SAP30L: variants seen among roughly 807,000 people sequenced by gnomAD.
SAP30L encodes the protein histone deacetylase complex subunit SAP30L.
In SAP30L, 10 loss-of-function variants were observed where a neutral mutation model predicts 22.3. The observed-to-expected ratio is 0.45, with a 90% CI of 0.28 to 0.76. The LOEUF is 0.76. SAP30L is among the 30% of genes least tolerant of loss of function. The pLI is 0.14. For synonymous variants in SAP30L, 91 were observed against 94.1 expected (o/e 0.97, Z 0.19); for missense variants, 206 against 237.9 (o/e 0.87, Z 0.88).
intron 2 of SAP30L, chr5:154,453,123 C>T (rs1001166252): frequency 3.5e-5 from 11 of 313,058 alleles, no homozygotes; most frequent in Non-Finnish European, 4.7e-5. Context: ...TATTCCCTAC[C>T]GTTTCTCAGT....
intron 1 of SAP30L, among the ~76,000 whole-genome samples, chr5:154,449,240 A>C (rs753542697): frequency 6.6e-6 from 1 of 152,182 alleles, no homozygotes; most frequent in Non-Finnish European, 1.5e-5. Flanking sequence ...TCCAGTTGAC[A>C]TATTTCTGCT....
chr5:154,448,192 T>G (rs373988284), intron 1 of SAP30L, among the ~76,000 whole-genome samples: 1 of 152,124 alleles, frequency 6.6e-6, no homozygotes, highest in Non-Finnish European at 1.5e-5. Flanking sequence ...GACAGGCTGG[T>G]CTTGAACTCC....
intron 3 of SAP30L, among the ~76,000 whole-genome samples, chr5:154,453,808 G>A (rs185099490): frequency 1.2e-3 from 176 of 152,268 alleles, no homozygotes; most frequent in African/African-American, 4.0e-3. Flanking sequence ...TCATTTGTTT[G>A]AATCTTTTTT....
At position 154,456,107 on chromosome 5, in the gene SAP30L, C is replaced by T. The variant is rs1433565651; in HGVS notation, c.*79C>T. On this transcript the variant is annotated 3_prime_UTR_variant, in exon 4 of 4. Transcript: ENST00000297109. ...TCTACTACATTTAAGCCCATAAAGA[C>T]TGTTAAATATTATTGTAAATAAAAA... 2 of 1,426,134 alleles carry T rather than the reference C, an allele frequency of 1.4e-6. No homozygotes were observed. Among genetic ancestry groups the T allele is most frequent in the African/African-American group, 2.9e-5 (2 of 69,680 alleles). The allele number at this position is 1,426,134 out of a possible 1,614,324, so 88.3% of individuals were successfully genotyped here.
At position 154,456,611 on chromosome 5, in the gene SAP30L, T is replaced by C. The variant is rs1275601996; in HGVS notation, c.*583T>C. ...GAGCTGTCACTAATAGTGCCAGCCT[T>C]GTAACATCCGCTTCACACCTCTCAT... On this transcript the variant is annotated 3_prime_UTR_variant, in exon 4 of 4. Coordinates refer to ENST00000297109, the MANE Select transcript of SAP30L (RefSeq NM_024632.6). The C allele has an allele frequency of 6.6e-6, 1 of 152,400 alleles. No homozygotes were observed. The highest frequency in any genetic ancestry group is 2.4e-5 in the African/African-American group (1 of 41,468). 9.4% of individuals were successfully genotyped at this position (152,400 alleles called of 1,614,324 possible).
At chr5:154,447,851 TTAATTTCTTAAAG>T (rs1757054287) in intron 1 of SAP30L, among the ~76,000 whole-genome samples, 1 of 152,158 alleles carries the variant, frequency 6.6e-6, no homozygotes, top group African/African-American at 2.4e-5. Flanking sequence ...AAGAGGCTGG[TTAATTTCTTAAAG>T]ATATTATCTA....
At chr5:154,453,836 G>GTT (rs1413301843) in intron 3 of SAP30L, among the ~76,000 whole-genome samples, 4 of 152,032 alleles carry the variant, frequency 2.6e-5, no homozygotes. Context: ...TCCTCTTTTT[G>GTT]TTTTTTTGGA....
chr5:154,457,331 GAGAA>G lies in SAP30L; in HGVS notation c.*1309_*1312del, dbSNP rs1287685929. 2.0e-5 allele frequency: 3 copies of G among 152,176 alleles called. No homozygotes were observed. Among genetic ancestry groups the G allele is most frequent in the Non-Finnish European group, 4.4e-5 (3 of 68,032 alleles). 9.4% of individuals were successfully genotyped at this position (152,176 alleles called of 1,614,324 possible). On this transcript the variant is annotated 3_prime_UTR_variant, in exon 4 of 4. Coordinates refer to ENST00000297109, the MANE Select transcript of SAP30L (RefSeq NM_024632.6). Reference sequence around the variant, plus strand: ...CAGAGGGTATGGGGTAGGAGGGTGGGAGAAAGAAAAGAAAAGAATTTGGATTCTA... The same window carrying G: ...CAGAGGGTATGGGGTAGGAGGGTGGGAGAAAAGAAAAGAATTTGGATTCTA...
intron 1 of SAP30L, among the ~76,000 whole-genome samples, chr5:154,447,865 ATAT>A (rs1656813376): frequency 6.6e-6 from 1 of 151,764 alleles, no homozygotes; most frequent in South Asian, 2.1e-4. Flanking sequence ...TTTCTTAAAG[ATAT>A]TATCTAATTT....
In SAP30L at chr5:154,456,055, A is replaced by G. The variant is rs771140534; in HGVS notation, c.*27A>G. ...GATGAAGCACATCTTAAAGGAATGA[A>G]GTGTAATGCTTGATGCACAGGTGAT... On this transcript the variant is annotated 3_prime_UTR_variant, in exon 4 of 4. Coordinates refer to ENST00000297109, the MANE Select transcript of SAP30L (RefSeq NM_024632.6). 1.9e-6 allele frequency: 3 copies of G among 1,608,896 alleles called. No homozygotes were observed. Among genetic ancestry groups the G allele is most frequent in the Middle Eastern group, 1.7e-4 (1 of 6,036 alleles).
intron 3 of SAP30L, among the ~76,000 whole-genome samples, chr5:154,455,463 C>A (rs977811001): frequency 6.6e-6 from 1 of 152,196 alleles, no homozygotes; most frequent in Non-Finnish European, 1.5e-5. Context: ...CCCACCTTAA[C>A]CTCCCAAAGC....
chr5:154,446,899 C>T (rs1757027504), intron 1 of SAP30L, 94 bp downstream of exon 1: 25 of 1,086,126 alleles, frequency 2.3e-5, no homozygotes, highest in Non-Finnish European at 2.9e-5. Context: ...GCACTCCCCG[C>T]CGTGGGCCTC....
chr5:154,450,942 A>T, intron 1 of SAP30L, 149 bp from the exon 2 acceptor site: 1 of 812,522 alleles, frequency 1.2e-6, no homozygotes, highest in Non-Finnish European at 2.0e-6. Context: ...GCAACTCAGT[A>T]GTGAGCTTCT....
intron 2 of SAP30L, among the ~76,000 whole-genome samples, chr5:154,452,189 A>T (rs571478974): frequency 6.6e-6 from 1 of 152,198 alleles, no homozygotes; most frequent in Non-Finnish European, 1.5e-5. Context: ...GAATAGAAAG[A>T]GTAGGCGGGC....
Position 154,456,074 on chromosome 5 carries a change from A to G in SAP30L, c.*46A>G, listed in dbSNP as rs1030126556. 1 of 1,587,592 alleles carries G rather than the reference A, an allele frequency of 6.3e-7. No homozygotes were observed. The highest frequency in any genetic ancestry group is 8.6e-7 in the Non-Finnish European group (1 of 1,167,022). On this transcript the variant is annotated 3_prime_UTR_variant, in exon 4 of 4. Transcript: ENST00000297109. ...GAATGAAGTGTAATGCTTGATGCAC[A>G]GGTGATATCTACTACATTTAAGCCC...
intron 1 of SAP30L, among the ~76,000 whole-genome samples, chr5:154,448,838 T>C (rs1757079995): frequency 6.6e-6 from 1 of 152,198 alleles, no homozygotes; most frequent in Non-Finnish European, 1.5e-5. Context: ...GTGGAATCAC[T>C]CAAAATTTGT....
rs903271502 is a variant in SAP30L, at chr5:154,456,057, T to G, written c.*29T>G. ...TGAAGCACATCTTAAAGGAATGAAG[T>G]GTAATGCTTGATGCACAGGTGATAT... On this transcript the variant is annotated 3_prime_UTR_variant, in exon 4 of 4. Coordinates refer to ENST00000297109, the MANE Select transcript of SAP30L (RefSeq NM_024632.6). 1 of 1,607,422 alleles carries G rather than the reference T, an allele frequency of 6.2e-7. No homozygotes were observed. The highest frequency in any genetic ancestry group is 1.3e-5 in the African/African-American group (1 of 74,634).
rs188092923 is a variant in SAP30L at position 154,449,519 on chromosome 5, T to C, written c.202-1572T>C. Among the ~76,000 whole-genome samples, 4 of 152,364 alleles carry C rather than the reference T, an allele frequency of 2.6e-5. No individual in the cohort carries two copies. The East Asian group carries it at 7.7e-4, about 29-fold the overall frequency. On this transcript the variant is annotated intron_variant, in intron 1 of 3. Coordinates refer to ENST00000297109, the MANE Select transcript of SAP30L (RefSeq NM_024632.6). ...AGCCAAAGCTTTAGGAAGCCACCTA[T>C]TCTCCCTGTTCTCCTATGAAGTTTG...
intron 2 of SAP30L, chr5:154,452,422 GC>G: frequency 2.1e-6 from 2 of 959,938 alleles, no homozygotes; most frequent in South Asian, 4.8e-5. Flanking sequence ...AAGGACTTTG[GC>G]CCCTCATATT....
Sources: gnomAD v4.1 joint callset for allele counts (sites outside exome capture counted in the v4.1 genomes callset) on GRCh38, gnomAD v4.1.1 for gene constraint, MANE v1.5 for transcripts, NCBI Gene and HGNC (gene_info 2026-07-23, HGNC 2026-07-21) for gene names.